PTPRB: variants seen among roughly 807,000 people sequenced by gnomAD.
PTPRB encodes receptor-type tyrosine-protein phosphatase beta.
Under a neutral mutation model 238.1 loss-of-function variants are expected in PTPRB, and 97 were observed. The ratio of observed to expected loss-of-function variants is 0.41; its 90% CI spans 0.35 to 0.48. The LOEUF is 0.48. PTPRB is among the 20% of genes least tolerant of loss of function. The pLI is 0.30. For missense variants in PTPRB, 2,292 were observed against 2,681.9 expected, an observed-to-expected ratio of 0.85 and a Z score of 3.21; for synonymous variants, 970 against 995.4, an observed-to-expected ratio of 0.97 and a Z score of 0.48.
At chr12:70,583,681 C>T (rs1260041858) in intron 9 of PTPRB, among the ~76,000 whole-genome samples, 4 of 152,076 alleles carry the variant, frequency 2.6e-5, no homozygotes, top group Non-Finnish European at 5.9e-5. Flanking sequence ...AAGATAGTTT[C>T]AATGTGTTTG....
At chr12:70,607,621 T>C (rs2136534370) in intron 4 of PTPRB, among the ~76,000 whole-genome samples, 1 of 151,452 alleles carries the variant, frequency 6.6e-6, no homozygotes, top group East Asian at 1.9e-4. Context: ...ATCTGGCTTC[T>C]CTGCCTCCTG....
chr12:70,619,690 C>A, intron 3 of PTPRB, among the ~76,000 whole-genome samples: 1 of 152,128 alleles, frequency 6.6e-6, no homozygotes, highest in East Asian at 1.9e-4. Context: ...GCTAGTCATG[C>A]AAGTGAACCC....
At chr12:70,621,725 G>A (rs571351196) in intron 3 of PTPRB, among the ~76,000 whole-genome samples, 1 of 152,320 alleles carries the variant, frequency 6.6e-6, no homozygotes, top group East Asian at 1.9e-4. Context: ...TCTGCCAGTG[G>A]AACCTTAGCT....
chr12:70,556,356 T>G (rs1325455243), intron 18 of PTPRB, among the ~76,000 whole-genome samples: 2 of 152,126 alleles, frequency 1.3e-5, no homozygotes, highest in Non-Finnish European at 2.9e-5. Context: ...AGGACAGGTG[T>G]GGACAAGTCT....
intron 2 of PTPRB, among the ~76,000 whole-genome samples, chr12:70,626,393 G>GCCTGCCTA (rs1304986998): frequency 2.0e-5 from 3 of 146,734 alleles, no homozygotes; most frequent in African/African-American, 7.9e-5. Context: ...CTGCCTGCCT[G>GCCTGCCTA]CCTGCCTGCC....
At chr12:70,562,811 C>T in intron 16 of PTPRB, 33 bp downstream of exon 16, 2 of 1,600,916 alleles carry the variant, frequency 1.2e-6, no homozygotes, top group Non-Finnish European at 8.5e-7. Flanking sequence ...ACAATTCCCC[C>T]ACGATTCATT....
Position 70,595,890 on chromosome 12 carries a change from G to T in PTPRB, c.1258+159C>A, listed in dbSNP as rs905395489. On this transcript the variant is annotated intron_variant, in intron 5 of 33. Coordinates refer to ENST00000334414, the MANE Select transcript of PTPRB (RefSeq NM_001109754.4). The stretch of plus-strand genomic sequence containing the variant: ...AGCCACGCATCCTATTTTCAGTCCA[G>T]TCTGTCCACTGTATCCCACAAGCTC... Among the ~76,000 whole-genome samples, 3 of 152,218 alleles carry T rather than the reference G, an allele frequency of 2.0e-5. No homozygotes were observed. In the East Asian group the frequency reaches 5.8e-4, roughly 29 times the overall value.
rs1219706649 is a variant in PTPRB, at chr12:70,591,988, G to A, written c.1780+294C>T. On this transcript the variant is annotated intron_variant, in intron 7 of 33. Coordinates refer to ENST00000334414, the MANE Select transcript of PTPRB (RefSeq NM_001109754.4). ...AAATGCTAACTGGTTCTCACTGTAA[G>A]AATGAATCAGAAATGTTTTATATAC... The A allele has an allele frequency of 7.3e-6, 3 of 412,540 alleles. No homozygotes were observed. The East Asian group carries it at 1.4e-4, about 19-fold the overall frequency. 25.6% of individuals were successfully genotyped at this position (412,540 alleles called of 1,614,324 possible).
At chr12:70,525,323 C>A (rs556054017) in intron 32 of PTPRB, 1 of 152,136 alleles carries the variant, frequency 6.6e-6, no homozygotes, top group Non-Finnish European at 1.5e-5. Context: ...AAAATCATTT[C>A]ACTGCATACT....
intron 4 of PTPRB, among the ~76,000 whole-genome samples, chr12:70,608,082 T>C (rs1419550747): frequency 1.3e-5 from 2 of 152,166 alleles, no homozygotes; most frequent in African/African-American, 4.8e-5. Flanking sequence ...TCACACCTCT[T>C]TGAAGAACTG....
chr12:70,619,318 T>TGATGAC (rs572352371), intron 3 of PTPRB, among the ~76,000 whole-genome samples: 2,143 of 141,580 alleles, frequency 0.015, 27 homozygotes, highest in African/African-American at 0.034. Flanking sequence ...ATGATGATAA[T>TGATGAC]GATAATGATA....
chr12:70,595,294 G>A (rs1882902893), intron 5 of PTPRB, among the ~76,000 whole-genome samples: 2 of 152,080 alleles, frequency 1.3e-5, no homozygotes, highest in African/African-American at 4.8e-5. Flanking sequence ...ACGGGGACCT[G>A]TTGGGGGGTG....
intron 9 of PTPRB, chr12:70,585,283 G>C (rs571073568): frequency 2.0e-5 from 3 of 152,074 alleles, no homozygotes; most frequent in Non-Finnish European, 4.4e-5. Flanking sequence ...TGATGACTTT[G>C]CTTCCAATTA....
In PTPRB at chr12:70,576,388, G is replaced by C; in HGVS notation, c.2836C>G (p.Arg946Gly). The change falls in exon 11 of 34, where the codon CGG (arginine) becomes GGG (glycine). Residue 946 changes from arginine to glycine, a missense_variant. Arg to Gly is a moderately radical substitution (Grantham distance 125, BLOSUM62 -2). This residue lies in a region of PTPRB where 1,205 missense variants were observed against 1,287.8 expected (regional missense o/e 0.94). Coordinates refer to ENST00000334414, the MANE Select transcript of PTPRB (RefSeq NM_001109754.4). ...KYENHSFSQE[R>G]TVPDKVQGVS... is the part of the protein sequence containing the mutation. ...AACCTTCATACAGCCTTACCTGTCC[G>C]CTCTTGGCTGAAGGAGTGATTTTCA... 4 of 1,611,800 alleles carry C rather than the reference G, an allele frequency of 2.5e-6. No homozygotes were observed. Among genetic ancestry groups the C allele is most frequent in the Non-Finnish European group, 3.4e-6 (4 of 1,179,148 alleles).
Position 70,572,029 on chromosome 12 carries a change from C to T in PTPRB, c.2901G>A (p.Arg967=), listed in dbSNP as rs764212704. The stretch of plus-strand genomic sequence containing the variant: ...CTCCAGTGGCATGCACCCAGGATAC[C>T]CTTAAATAGTCACTCCTGGCTGAGT... ...VSNSARSDYL[R]VSWVHATGDF... is the part of the protein sequence containing the mutation. Residue 967 remains arginine, a synonymous_variant, in exon 12 of 34, where the codon AGG becomes AGA. Transcript: ENST00000334414. The T allele has an allele frequency of 3.1e-5, 50 of 1,613,506 alleles. No individual in the cohort carries two copies. The highest frequency in any genetic ancestry group is 4.2e-5 in the Non-Finnish European group (49 of 1,179,586).
intron 32 of PTPRB, among the ~76,000 whole-genome samples, chr12:70,526,553 AATATTGAT>A (rs1872472250): frequency 6.6e-6 from 1 of 152,354 alleles, no homozygotes; most frequent in East Asian, 1.9e-4. Context: ...GGCCTGCAAT[AATATTGAT>A]AACTATTCTC....
chr12:70,532,765 C>T (rs916559615), intron 31 of PTPRB, among the ~76,000 whole-genome samples: 1 of 152,020 alleles, frequency 6.6e-6, no homozygotes, highest in African/African-American at 2.4e-5. Context: ...CCTCAGCCTC[C>T]TGAGTAGCTG....
Position 70,538,243 on chromosome 12 carries a change from G to T in PTPRB, c.5870-12C>A. 6.2e-7 allele frequency: 1 copy of T among 1,611,344 alleles called. No individual in the cohort carries two copies. Among genetic ancestry groups the T allele is most frequent in the Non-Finnish European group, 8.5e-7 (1 of 1,178,360 alleles). On this transcript the variant is annotated splice_polypyrimidine_tract_variant and intron_variant, in intron 27 of 33. Coordinates refer to ENST00000334414, the MANE Select transcript of PTPRB (RefSeq NM_001109754.4). ...TCGCGTGGCATCATCTGGAAGGAGA[G>T]ATTTGCTGCTGAGTCTTGGAGTGAC...
At chr12:70,532,283 T>C (rs1225005543) in intron 31 of PTPRB, 113 bp from the exon 32 acceptor site, 8 of 1,283,926 alleles carry the variant, frequency 6.2e-6, no homozygotes, top group Non-Finnish European at 6.3e-6. Context: ...TGGGAGAAGA[T>C]AGGAATATTT....
Sources: gnomAD v4.1 joint callset for allele counts (sites outside exome capture counted in the v4.1 genomes callset) on GRCh38, gnomAD v4.1.1 for gene constraint, gnomAD v4.1.1 regional missense constraint, MANE v1.5 for transcripts, NCBI Gene and HGNC (gene_info 2026-07-23, HGNC 2026-07-21) for gene names.